Variants in COL13A1 observed in about 807,000 individuals in gnomAD.
COL13A1 encodes collagen alpha-1(XIII) chain.
A neutral mutation model predicts 130.9 loss-of-function variants in COL13A1; 89 were observed. The observed-to-expected ratio is 0.68, with a 90% confidence interval of 0.57 to 0.81. The LOEUF (loss-of-function observed/expected upper bound fraction) is 0.81. Ranked by LOEUF, COL13A1 falls within the 30% of genes least tolerant of loss-of-function variation. The probability of loss-of-function intolerance (pLI) is 0.00; values close to 1 mark genes in which losing one functional copy is unlikely to be tolerated. For synonymous variants in COL13A1, 402 were observed against 341.6 expected, an observed-to-expected ratio of 1.18 and a Z score of -1.95; for missense variants, 879 against 934.6, an observed-to-expected ratio of 0.94 and a Z score of 0.78.
Position 69,802,447 on chromosome 10 carries a change from A to G in COL13A1, c.24A>G (p.Lys8=), listed in dbSNP as rs1564696627. The G allele has an allele frequency of 2.3e-5, 35 of 1,502,940 alleles. No individual in the cohort carries two copies. The highest frequency in any genetic ancestry group is 3.0e-5 in the Non-Finnish European group (34 of 1,131,518). 93.1% of individuals were successfully genotyped at this position (1,502,940 alleles called of 1,614,324 possible). A position where few individuals can be genotyped will look rare whatever the true frequency, so the allele number is the denominator to read the frequency against. MVAERTH[K]AAATGARGPG... ...GGATGGTAGCGGAGCGCACCCACAA[A>G]GCGGCAGCCACCGGTGCCCGCGGCC... is the stretch of plus-strand genomic sequence containing the variant. The change falls in exon 1 of 41, where the codon AAA becomes AAG. Residue 8 remains lysine (K), a synonymous_variant. Transcript: ENST00000645393.
chr10:69,931,279 C>T (rs2066086840), intron 30 of COL13A1: 1 of 451,456 alleles, frequency 2.2e-6, no homozygotes, highest in South Asian at 1.6e-5. Context: ...GGCTGGGTGT[C>T]AAGGTTGCCT....
intron 1 of COL13A1, among the ~76,000 whole-genome samples, chr10:69,812,549 G>A (rs1424177190): frequency 6.6e-6 from 1 of 152,194 alleles, no homozygotes; most frequent in African/African-American, 2.4e-5. Flanking sequence ...ATAGAGTCAA[G>A]GTGTGGGCTC....
intron 1 of COL13A1, among the ~76,000 whole-genome samples, chr10:69,815,289 C>T (rs2132394294): frequency 6.6e-6 from 1 of 152,306 alleles, no homozygotes; most frequent in South Asian, 2.1e-4. Flanking sequence ...GTTCCCTAAA[C>T]CCAAGACCAG....
intron 2 of COL13A1, among the ~76,000 whole-genome samples, chr10:69,844,246 C>T (rs1175033299): frequency 6.6e-6 from 1 of 152,212 alleles, no homozygotes; most frequent in Non-Finnish European, 1.5e-5. Context: ...CTCAGTGTGG[C>T]TGTCCAGGGA....
In COL13A1 at chr10:69,837,804, G is replaced by A. The variant is rs571137797; in HGVS notation, c.364+15366G>A. ...GATCCTGCCAAATAAATAAATAAAC[G>A]CAGAGAAGAAGACAGATTTCATTAT... On this transcript the variant is annotated intron_variant, in intron 2 of 40. Coordinates refer to ENST00000645393, the MANE Select transcript of COL13A1 (RefSeq NM_001368882.1). 1.2e-4 allele frequency among the ~76,000 whole-genome samples: 9 copies of A among 73,716 alleles called. No individual in the cohort carries two copies. In the East Asian group the frequency reaches 2.0e-3, roughly 16 times the overall value. The allele number at this position is 73,716 out of a possible 152,430, so 48.4% of individuals were successfully genotyped here.
At chr10:69,908,416 G>A (rs2135307323) in intron 17 of COL13A1, among the ~76,000 whole-genome samples, 1 of 152,272 alleles carries the variant, frequency 6.6e-6, no homozygotes, top group South Asian at 2.1e-4. Context: ...CTGCCTCCTG[G>A]TGCAACGCGG....
At chr10:69,887,645 C>G (rs916138421) in intron 8 of COL13A1, among the ~76,000 whole-genome samples, 154 bp downstream of exon 8, 2 of 152,176 alleles carry the variant, frequency 1.3e-5, no homozygotes, top group African/African-American at 4.8e-5. Context: ...GACACCAACT[C>G]AGGACAGTAG....
chr10:69,894,406 TC>T (rs1169262973), intron 10 of COL13A1, 145 bp from the exon 11 acceptor site: 1 of 880,340 alleles, frequency 1.1e-6, no homozygotes, highest in East Asian at 2.6e-5. Flanking sequence ...GAATAAGACA[TC>T]TTGAATGTGG....
intron 2 of COL13A1, among the ~76,000 whole-genome samples, chr10:69,835,134 A>G (rs1032316043): frequency 1.3e-5 from 2 of 152,120 alleles, no homozygotes; most frequent in African/African-American, 4.8e-5. Context: ...GGTGCTGTGC[A>G]GCTTGTCCCA....
intron 12 of COL13A1, 134 bp from the exon 13 acceptor site, chr10:69,895,416 C>T (rs2061539529): frequency 1.0e-6 from 1 of 965,886 alleles, no homozygotes; most frequent in Admixed American, 1.8e-5. Flanking sequence ...TCAGAGGGCT[C>T]AGACCAAAAC....
chr10:69,868,771 C>T (rs561716492), intron 3 of COL13A1, among the ~76,000 whole-genome samples: 33 of 152,344 alleles, frequency 2.2e-4, no homozygotes, highest in African/African-American at 7.7e-4. Flanking sequence ...TGCACCCACA[C>T]TGAGGATCCC....
At chr10:69,907,488 G>A (rs1149701) in intron 17 of COL13A1, among the ~76,000 whole-genome samples, 128,557 of 152,142 alleles carry the variant, frequency 0.84, 55,445 homozygotes, top group East Asian at 1. Context: ...GAGAGAACAC[G>A]AGCAAGAGAA....
intron 17 of COL13A1, among the ~76,000 whole-genome samples, chr10:69,916,413 G>A (rs577606764): frequency 1.3e-5 from 2 of 152,310 alleles, no homozygotes; most frequent in Admixed American, 6.5e-5. Context: ...GCACTGCATA[G>A]GATTCAACTC....
At chr10:69,872,518 G>A (rs1431556757) in intron 4 of COL13A1, among the ~76,000 whole-genome samples, 1 of 152,212 alleles carries the variant, frequency 6.6e-6, no homozygotes, top group Non-Finnish European at 1.5e-5. Context: ...ACCCTACCAT[G>A]AGCAGCTGCA....
At chr10:69,803,109 A>T (rs1027734598) in intron 1 of COL13A1, among the ~76,000 whole-genome samples, 4 of 152,200 alleles carry the variant, frequency 2.6e-5, no homozygotes, top group Non-Finnish European at 5.9e-5. Flanking sequence ...GCGCGCCCAG[A>T]GGCCCAGGCC....
intron 1 of COL13A1, among the ~76,000 whole-genome samples, chr10:69,809,482 C>T (rs1457866607): frequency 6.6e-6 from 1 of 152,228 alleles, no homozygotes; most frequent in Non-Finnish European, 1.5e-5. Context: ...TTACTATTCC[C>T]TTCTTACAGA....
rs374358331 is a variant in COL13A1, at chr10:69,918,333, T to C, written c.999+16T>C. The C allele has an allele frequency of 3.0e-4, 477 of 1,612,754 alleles. 3 individuals are homozygous for C. In the Middle Eastern group the frequency reaches 0.016, roughly 54 times the overall value. On this transcript the variant is annotated intron_variant, in intron 19 of 40. Transcript: ENST00000645393. Reference sequence around the variant, plus strand: ...TGGGATGAAGGTCAGTGGACTGTTGTAACCAACACATCAGGGACAGGGTGG... The same window carrying C: ...TGGGATGAAGGTCAGTGGACTGTTGCAACCAACACATCAGGGACAGGGTGG...
intron 2 of COL13A1, among the ~76,000 whole-genome samples, chr10:69,856,181 G>C (rs1005114149): frequency 1.3e-5 from 2 of 152,236 alleles, no homozygotes; most frequent in Non-Finnish European, 2.9e-5. Context: ...ATTTAGAAAT[G>C]AGAAGATTTT....
intron 1 of COL13A1, among the ~76,000 whole-genome samples, chr10:69,810,376 G>GAGAGACACACAGAGAC: frequency 7.5e-6 from 1 of 133,930 alleles, no homozygotes; most frequent in East Asian, 2.3e-4. Flanking sequence ...GAGAGAGAGA[G>GAGAGACACACAGAGAC]AGAGACAGAG....
Sources: allele counts gnomAD v4.1 joint callset (sites outside exome capture counted in the v4.1 genomes callset), GRCh38; gene constraint gnomAD v4.1.1; transcripts MANE v1.5; gene names NCBI Gene and HGNC (gene_info 2026-07-23, HGNC 2026-07-21).